ADCY7: variants seen among roughly 807,000 people sequenced by gnomAD.
The protein encoded by ADCY7 is adenylate cyclase type 7.
Under a neutral mutation model 120.6 loss-of-function variants are expected in ADCY7, and 72 were observed. That is an observed-to-expected ratio of 0.60 (90% CI 0.49 to 0.73). The LOEUF (loss-of-function observed/expected upper bound fraction) is 0.73, where lower values mean the gene tolerates loss of function less well. Ranked by LOEUF, ADCY7 falls within the 30% of genes least tolerant of loss-of-function variation. The pLI is 0.00. For missense variants in ADCY7, 1,227 were observed against 1,486.0 expected (o/e 0.83, Z 2.87); for synonymous variants, 661 against 628.0 (o/e 1.05, Z -0.78).
chr16:50,294,682 C>A lies in ADCY7; in HGVS notation c.879C>A (p.Ser293Arg). The A allele has an allele frequency of 6.2e-7, 1 of 1,613,456 alleles. No individual in the cohort carries two copies. The highest frequency in any genetic ancestry group is 8.5e-7 in the Non-Finnish European group (1 of 1,179,728). The change falls in exon 7 of 26, where the codon AGC becomes AGA. Residue 293 changes from serine to arginine, a missense_variant. By Grantham distance (110) the Ser-to-Arg change is moderately radical. Transcript: ENST00000673801. ...TCGTGGGCTTCACGCAGCTGGCCAG[C>A]GACTGTTCTCCCAAGGAGCTGGTGG... ...ADIVGFTQLA[S>R]DCSPKELVVV...
chr16:50,293,508 C>T lies in ADCY7; in HGVS notation c.836+6C>T, dbSNP rs758044686. ...AAGAGGCACCAGAATGTCAGGTGGG[C>T]GGTGAGACGTGTGATTAGCATATCC... On this transcript the variant is annotated splice_donor_region_variant and intron_variant, in intron 6 of 25. Coordinates refer to ENST00000673801, the MANE Select transcript of ADCY7 (RefSeq NM_001114.5). The T allele has an allele frequency of 4.7e-5, 76 of 1,613,492 alleles. No individual in the cohort carries two copies. The highest frequency in any genetic ancestry group is 1.1e-4 in the South Asian group (10 of 91,050).
At chr16:50,285,094 G>T (rs961636432) in intron 1 of ADCY7, among the ~76,000 whole-genome samples, 2 of 152,214 alleles carry the variant, frequency 1.3e-5, no homozygotes, top group Admixed American at 6.5e-5. Context: ...TAGATTTAGA[G>T]GTTGTAAACT....
At chr16:50,256,904 C>G (rs1441436321) in intron 1 of ADCY7, among the ~76,000 whole-genome samples, 1 of 151,994 alleles carries the variant, frequency 6.6e-6, no homozygotes, top group African/African-American at 2.4e-5. Flanking sequence ...TTCATAATAG[C>G]CAAGATCTAG....
At position 50,308,745 on chromosome 16, in the gene ADCY7, G is replaced by C; in HGVS notation, c.2014G>C (p.Ala672Pro). Residue 672 changes from alanine (A) to proline (P), a missense_variant, in exon 17 of 26, where the codon GCC becomes CCC. By Grantham distance (27) the Ala-to-Pro change is conservative. Coordinates refer to ENST00000673801, the MANE Select transcript of ADCY7 (RefSeq NM_001114.5). ...ACAGCCCCTGCTGAGGCTGACCCTG[G>C]CCGTCCTGACCATCGGCAGCCTGCT... ...ETQPLLRLTL[A>P]VLTIGSLLTV... 6.2e-7 allele frequency: 1 copy of C among 1,613,348 alleles called. No individual in the cohort carries two copies. The highest frequency in any genetic ancestry group is 8.5e-7 in the Non-Finnish European group (1 of 1,179,970).
intron 1 of ADCY7, among the ~76,000 whole-genome samples, chr16:50,274,963 C>T (rs1421673603): frequency 6.6e-6 from 1 of 152,196 alleles, no homozygotes; most frequent in African/African-American, 2.4e-5. Context: ...GGCTCTATTC[C>T]CTGCACTGTG....
Position 50,305,639 on chromosome 16 carries a change from G to A in ADCY7, c.1679+53G>A, listed in dbSNP as rs1241176966. The A allele has an allele frequency of 4.5e-6, 7 of 1,557,776 alleles. No homozygotes were observed. The East Asian group carries it at 1.4e-4, about 30-fold the overall frequency. On this transcript the variant is annotated intron_variant, in intron 13 of 25. Coordinates refer to ENST00000673801, the MANE Select transcript of ADCY7 (RefSeq NM_001114.5). ...CCTCTCCTCTCCCCCTCGGATAGGG[G>A]TCCCCTATATGGGCAGGCCCATCTC...
rs2036829248 is a variant in ADCY7, at chr16:50,316,989, A to G, written c.*1484A>G. ...TACAGGGTTGCAGATTGGGTGACTG[A>G]CCAGACTTGTTGGGGTCCTGGGATG... is the stretch of plus-strand genomic sequence containing the variant. On this transcript the variant is annotated 3_prime_UTR_variant, in exon 26 of 26. Coordinates refer to ENST00000673801, the MANE Select transcript of ADCY7 (RefSeq NM_001114.5). The G allele has an allele frequency of 6.5e-6, 1 of 152,734 alleles. No homozygotes were observed. The highest frequency in any genetic ancestry group is 2.4e-5 in the African/African-American group (1 of 41,428). The allele number at this position is 152,734 out of a possible 1,614,324, so 9.5% of individuals were successfully genotyped here.
At position 50,304,485 on chromosome 16, in the gene ADCY7, A is replaced by C. The variant is rs370687226; in HGVS notation, c.1494A>C (p.Ala498=). 6.8e-6 allele frequency: 11 copies of C among 1,608,338 alleles called. 1 individual carries two copies. The highest frequency in any genetic ancestry group is 2.2e-5 in the East Asian group (1 of 44,736). The stretch of plus-strand genomic sequence containing the variant: ...CCTGGGGGGCGGCACGGCCCTTTGC[A>C]CATCTCAACCACCGTGAGAGCGTGA... ...LESWGAARPF[A]HLNHRESVSS... is the part of the protein sequence containing the mutation. The change falls in exon 11 of 26, where the codon GCA becomes GCC. Residue 498 remains alanine, a synonymous_variant. Coordinates refer to ENST00000673801, the MANE Select transcript of ADCY7 (RefSeq NM_001114.5).
chr16:50,276,386 C>T (rs1228062717), intron 1 of ADCY7, among the ~76,000 whole-genome samples: 1 of 152,206 alleles, frequency 6.6e-6, no homozygotes, highest in Non-Finnish European at 1.5e-5. Context: ...CACTTCTGCA[C>T]CCCATGGCCC....
chr16:50,299,690 G>A (rs2035589686), intron 8 of ADCY7, among the ~76,000 whole-genome samples: 1 of 152,238 alleles, frequency 6.6e-6, no homozygotes, highest in East Asian at 1.9e-4. Context: ...AAAGAAGCCT[G>A]GGCAGAGCTG....
chr16:50,310,973 G>T, intron 19 of ADCY7, 93 bp downstream of exon 19: 2 of 1,304,676 alleles, frequency 1.5e-6, no homozygotes, highest in Non-Finnish European at 2.1e-6. Context: ...TGTTCATGGG[G>T]AGTGGGCACC....
intron 7 of ADCY7, 39 bp downstream of exon 7, chr16:50,294,790 TCCCCTGCCTATTACA>T: frequency 6.8e-7 from 1 of 1,465,946 alleles, no homozygotes; most frequent in Non-Finnish European, 9.5e-7. Context: ...GCCAGGCCCC[TCCCCTGCCTATTACA>T]CCCCAGGGGT....
chr16:50,279,367 A>G (rs186116112), intron 1 of ADCY7, among the ~76,000 whole-genome samples: 119 of 152,346 alleles, frequency 7.8e-4, no homozygotes, highest in African/African-American at 2.4e-3. Context: ...GGGAAAAGGG[A>G]TCAGAAATCT....
At chr16:50,270,176 CAGATAGATAGATAGATAGATAGAT>C (rs35858506) in intron 1 of ADCY7, among the ~76,000 whole-genome samples, 2 of 141,192 alleles carry the variant, frequency 1.4e-5, no homozygotes, top group East Asian at 2.1e-4. Context: ...GACCCTGTCT[CAGATAGATAGATAGATAGATAGAT>C]AGATAGATAG....
upstream of ADCY7, among the ~76,000 whole-genome samples, chr16:50,262,557 C>T (rs2033088498): frequency 6.6e-6 from 1 of 152,070 alleles, no homozygotes. Context: ...GAACTCCTGG[C>T]CTCAAGTGAT....
At chr16:50,276,349 G>A (rs2033889703) in intron 1 of ADCY7, among the ~76,000 whole-genome samples, 2 of 152,226 alleles carry the variant, frequency 1.3e-5, no homozygotes. Context: ...GCAGGGTTGA[G>A]GGGTGGGGAC....
In ADCY7 at chr16:50,294,767, T is replaced by C; in HGVS notation, c.948+16T>C. ...GATCGCCAAGGTGAGCCCGCTGGCC[T>C]ACAATGGGCAAAGCCAGGCCCCTCC... On this transcript the variant is annotated intron_variant, in intron 7 of 25. Coordinates refer to ENST00000673801, the MANE Select transcript of ADCY7 (RefSeq NM_001114.5). 1.3e-6 allele frequency: 2 copies of C among 1,585,434 alleles called. No individual in the cohort carries two copies. Among genetic ancestry groups the C allele is most frequent in the Non-Finnish European group, 1.7e-6 (2 of 1,156,360 alleles).
At chr16:50,299,987 G>A (rs1324377731) in intron 8 of ADCY7, among the ~76,000 whole-genome samples, 2 of 152,204 alleles carry the variant, frequency 1.3e-5, no homozygotes, top group South Asian at 4.1e-4. Flanking sequence ...GATTGGGGGG[G>A]CATAGAAGGT....
chr16:50,270,887 G>C (rs950286344), intron 1 of ADCY7, among the ~76,000 whole-genome samples: 72 of 152,210 alleles, frequency 4.7e-4, no homozygotes, highest in Non-Finnish European at 3.1e-4. Flanking sequence ...CCCTCCAGCT[G>C]TGTGTGCCGG....
Sources: gnomAD v4.1 joint callset for allele counts (sites outside exome capture counted in the v4.1 genomes callset) on GRCh38, gnomAD v4.1.1 for gene constraint, MANE v1.5 for transcripts, NCBI Gene and HGNC (gene_info 2026-07-23, HGNC 2026-07-21) for gene names.